The following RAI14 variants were observed in gnomAD, a reference collection of about 807,000 sequenced individuals.
RAI14 encodes ankycorbin.
In RAI14, 45 loss-of-function variants were observed where a neutral mutation model predicts 115.4. The observed-to-expected ratio is 0.39, with a 90% CI of 0.31 to 0.50. The LOEUF is 0.50. RAI14 is among the 20% of genes least tolerant of loss of function. The pLI is 0.85. For missense variants in RAI14, 939 were observed against 1,131.2 expected (o/e 0.83, Z 2.44); for synonymous variants, 371 against 415.4 (o/e 0.89, Z 1.30).
At position 34,775,011 on chromosome 5, in the gene RAI14, T is replaced by C. The variant is rs190017145; in HGVS notation, c.167+17413T>C. ...TTGACAAAGGTGCCAAGAACATACATTGGGAAAAGGACACACTCTTCAGTA... is the reference window on the plus strand; with the variant it reads ...TTGACAAAGGTGCCAAGAACATACACTGGGAAAAGGACACACTCTTCAGTA... On this transcript the variant is annotated intron_variant, in intron 3 of 17. Transcript: ENST00000265109. Among the ~76,000 whole-genome samples, 344 of 152,108 alleles carry C rather than the reference T, an allele frequency of 2.3e-3. 1 individual carries two copies. Among genetic ancestry groups the C allele is most frequent in the African/African-American group, 7.6e-3 (316 of 41,478 alleles).
rs537122139 is a variant in RAI14, at chr5:34,764,666, A to G, written c.167+7068A>G. Among the ~76,000 whole-genome samples, 3 of 152,298 alleles carry G rather than the reference A, an allele frequency of 2.0e-5. No individual in the cohort carries two copies. The East Asian group carries it at 5.8e-4, about 29-fold the overall frequency. ...TGAAAGGTACATTTTTGCTTAAAGTAAATTATATTAAAGTAACAATTCTCG... is the reference window on the plus strand; with the variant it reads ...TGAAAGGTACATTTTTGCTTAAAGTGAATTATATTAAAGTAACAATTCTCG... On this transcript the variant is annotated intron_variant, in intron 3 of 17. Transcript: ENST00000265109.
At chr5:34,810,752 G>T (rs1755484612) in intron 7 of RAI14, among the ~76,000 whole-genome samples, 1 of 152,078 alleles carries the variant, frequency 6.6e-6, no homozygotes, top group African/African-American at 2.4e-5. Flanking sequence ...CACCCAAACA[G>T]TGATAGCCAA....
At chr5:34,816,909 A>C (rs10050644) in intron 12 of RAI14, among the ~76,000 whole-genome samples, 4,227 of 152,172 alleles carry the variant, frequency 0.028, 171 homozygotes, top group African/African-American at 0.096. Context: ...ATTTCTGAAA[A>C]AACAACAACA....
intron 3 of RAI14, among the ~76,000 whole-genome samples, chr5:34,764,227 A>G (rs534867396): frequency 6.6e-6 from 1 of 152,326 alleles, no homozygotes; most frequent in East Asian, 1.9e-4. Context: ...CATCAGAGCA[A>G]CTTGAGTTCA....
intron 3 of RAI14, among the ~76,000 whole-genome samples, chr5:34,784,802 G>A (rs1394180388): frequency 1.3e-5 from 2 of 152,134 alleles, no homozygotes; most frequent in African/African-American, 4.8e-5. Context: ...TAATTGCCAA[G>A]GGCTAGTGAG....
In RAI14 at chr5:34,774,348, G is replaced by A. The variant is rs937281556; in HGVS notation, c.167+16750G>A. ...ATTGCACCATTGCCCTCTAGCCTTG[G>A]TGACAGAGTGAGACTCTGCACAAAA... On this transcript the variant is annotated intron_variant, in intron 3 of 17. Transcript: ENST00000265109. Among the ~76,000 whole-genome samples the A allele has an allele frequency of 2.0e-5, 3 of 152,086 alleles. No individual in the cohort carries two copies. The East Asian group carries it at 5.8e-4, about 29-fold the overall frequency.
At chr5:34,709,665 A>T (rs1490940431) in intron 2 of RAI14, among the ~76,000 whole-genome samples, 2 of 152,194 alleles carry the variant, frequency 1.3e-5, no homozygotes, top group African/African-American at 2.4e-5. Flanking sequence ...TTAAAAACAA[A>T]AGTTATTCCT....
chr5:34,699,944 G>C (rs546565043), intron 2 of RAI14, among the ~76,000 whole-genome samples: 6 of 152,246 alleles, frequency 3.9e-5, no homozygotes, highest in African/African-American at 1.4e-4. Flanking sequence ...ACGCCTAGGA[G>C]CCAGGTACTG....
intron 4 of RAI14, among the ~76,000 whole-genome samples, chr5:34,800,213 G>A (rs576685956): frequency 6.6e-6 from 1 of 152,342 alleles, no homozygotes; most frequent in Admixed American, 6.5e-5. Context: ...GTCTGAGGTA[G>A]TTTTAGGGAA....
chr5:34,794,796 A>C (rs544016236), intron 3 of RAI14, among the ~76,000 whole-genome samples: 37 of 152,334 alleles, frequency 2.4e-4, no homozygotes, highest in African/African-American at 8.7e-4. Context: ...GGTTATTAAG[A>C]GGTCTGGAAT....
At chr5:34,775,826 T>C (rs1227923972) in intron 3 of RAI14, among the ~76,000 whole-genome samples, 1 of 152,180 alleles carries the variant, frequency 6.6e-6, no homozygotes, top group Non-Finnish European at 1.5e-5. Context: ...GGGGAGAATG[T>C]AAATTAGTGT....
intron 2 of RAI14, among the ~76,000 whole-genome samples, chr5:34,718,274 C>A (rs751421515): frequency 1.6e-4 from 24 of 152,224 alleles, no homozygotes; most frequent in Non-Finnish European, 2.5e-4. Flanking sequence ...ACACAGTTGT[C>A]CAACTGATCA....
chr5:34,711,215 T>A (rs964088343), intron 2 of RAI14, among the ~76,000 whole-genome samples: 1 of 152,150 alleles, frequency 6.6e-6, no homozygotes, highest in African/African-American at 2.4e-5. Flanking sequence ...GCGGGTTGAG[T>A]CCGAAAAGAG....
intron 1 of RAI14, chr5:34,656,929 C>T (rs1398071919): frequency 6.6e-6 from 1 of 152,388 alleles, no homozygotes; most frequent in African/African-American, 2.4e-5. Flanking sequence ...GCTGCTGAGC[C>T]CAATCCGCCT....
Position 34,830,931 on chromosome 5 carries a change from C to T in RAI14, c.*166C>T. On this transcript the variant is annotated 3_prime_UTR_variant, in exon 18 of 18. Transcript: ENST00000265109. ...AGGACTTCTCCCAGGAGAAGACTGCCCGCCTCAGAACTGCTTAGAGACTTC... is the reference window on the plus strand; with the variant it reads ...AGGACTTCTCCCAGGAGAAGACTGCTCGCCTCAGAACTGCTTAGAGACTTC... 1 of 1,291,014 alleles carries T rather than the reference C, an allele frequency of 7.7e-7. No homozygotes were observed. Among genetic ancestry groups the T allele is most frequent in the Non-Finnish European group, 1.0e-6 (1 of 967,630 alleles). 80.0% of individuals were successfully genotyped at this position (1,291,014 alleles called of 1,614,324 possible).
At chr5:34,817,578 T>C (rs548096939) in intron 12 of RAI14, among the ~76,000 whole-genome samples, 41 of 152,172 alleles carry the variant, frequency 2.7e-4, no homozygotes, top group African/African-American at 9.2e-4. Flanking sequence ...CCTCCCCAAA[T>C]TGGAAGCAAA....
intron 2 of RAI14, chr5:34,715,980 T>C (rs1741933811): frequency 2.8e-6 from 1 of 353,464 alleles, no homozygotes; most frequent in Non-Finnish European, 5.4e-6. Context: ...CTGGCAGGAA[T>C]TTATGTATTT....
intron 1 of RAI14, among the ~76,000 whole-genome samples, chr5:34,662,745 T>TTTTTAA (rs869272839): frequency 2.8e-5 from 4 of 144,030 alleles, no homozygotes; most frequent in Non-Finnish European, 6.1e-5. Context: ...TTTTTTTTTT[T>TTTTTAA]AGACACAGAG....
At chr5:34,726,060 C>T (rs557059908) in intron 2 of RAI14, among the ~76,000 whole-genome samples, 19 of 150,988 alleles carry the variant, frequency 1.3e-4, no homozygotes, top group African/African-American at 3.4e-4. Context: ...AATATTTAGA[C>T]GTTATACTAG....
Sources: gnomAD v4.1 joint callset for allele counts (sites outside exome capture counted in the v4.1 genomes callset) on GRCh38, gnomAD v4.1.1 for gene constraint, MANE v1.5 for transcripts, NCBI Gene and HGNC (gene_info 2026-07-23, HGNC 2026-07-21) for gene names.